Variants in KIF18A observed in about 807,000 individuals in gnomAD.
The protein encoded by KIF18A is kinesin family member 18A, also known as kinesin-like protein KIF18A.
Under a neutral mutation model 103.3 loss-of-function variants are expected in KIF18A, and 67 were observed. The observed-to-expected ratio is 0.65, with a 90% CI of 0.53 to 0.79. The LOEUF (loss-of-function observed/expected upper bound fraction) is 0.79, where lower values mean the gene tolerates loss of function less well. Ranked by LOEUF, KIF18A falls within the 30% of genes least tolerant of loss-of-function variation. The probability of loss-of-function intolerance (pLI) is 0.00; values close to 1 mark genes in which losing one functional copy is unlikely to be tolerated. For synonymous variants in KIF18A, 367 were observed against 355.5 expected (o/e 1.03, Z -0.36); for missense variants, 1,032 against 1,062.5 (o/e 0.97, Z 0.40).
chr11:28,103,667 G>C (rs1851471797), intron 1 of KIF18A, among the ~76,000 whole-genome samples: 1 of 151,750 alleles, frequency 6.6e-6, no homozygotes, highest in Non-Finnish European at 1.5e-5. Flanking sequence ...ATATACCAAT[G>C]AATGAATTAA....
intron 1 of KIF18A, among the ~76,000 whole-genome samples, chr11:28,107,190 GC>G (rs1442018860): frequency 6.6e-6 from 1 of 152,074 alleles, no homozygotes; most frequent in Non-Finnish European, 1.5e-5. Flanking sequence ...GAAACAGGAG[GC>G]TAGACGTGGT....
intron 10 of KIF18A, among the ~76,000 whole-genome samples, chr11:28,073,817 T>C (rs1307232694): frequency 1.3e-5 from 2 of 152,194 alleles, no homozygotes; most frequent in African/African-American, 4.8e-5. Context: ...TTACCTCCAT[T>C]GTGTCAAGCA....
intron 16 of KIF18A, among the ~76,000 whole-genome samples, chr11:28,023,437 T>C (rs957809234): frequency 2.6e-5 from 4 of 152,216 alleles, no homozygotes; most frequent in African/African-American, 7.2e-5. Flanking sequence ...GTAATACATT[T>C]AGCCAATTAT....
At chr11:28,093,453 G>A (rs1031130121) in intron 3 of KIF18A, among the ~76,000 whole-genome samples, 1 of 152,078 alleles carries the variant, frequency 6.6e-6, no homozygotes, top group Admixed American at 6.5e-5. Context: ...AATGAAATCA[G>A]GGTTTTTATG....
chr11:28,085,303 A>G (rs1418576114), intron 6 of KIF18A, among the ~76,000 whole-genome samples: 1 of 152,072 alleles, frequency 6.6e-6, no homozygotes, highest in Non-Finnish European at 1.5e-5. Context: ...ACTCTGCTCC[A>G]CCAGCTTCCT....
intron 12 of KIF18A, among the ~76,000 whole-genome samples, chr11:28,061,386 G>A (rs1474798707): frequency 1.3e-5 from 2 of 152,042 alleles, no homozygotes; most frequent in Non-Finnish European, 2.9e-5. Context: ...TGGTTCACCA[G>A]TTTTCTAAAT....
intron 1 of KIF18A, among the ~76,000 whole-genome samples, chr11:28,107,553 A>G (rs1212150378): frequency 6.6e-6 from 1 of 152,186 alleles, no homozygotes; most frequent in African/African-American, 2.4e-5. Flanking sequence ...GCTACCTACA[A>G]CTGGGGCTCA....
At position 28,069,377 on chromosome 11, in the gene KIF18A, C is replaced by A; in HGVS notation, c.1472G>T (p.Arg491Leu). The A allele has an allele frequency of 1.9e-6, 3 of 1,613,610 alleles. No individual in the cohort carries two copies. Among genetic ancestry groups the A allele is most frequent in the Non-Finnish European group, 2.5e-6 (3 of 1,179,710 alleles). ...CTCCCTCCTTTTCTCCAGGTAGGAGCGACGAGTTTTCAACATTGCAAGTCT... is the reference window on the plus strand; with the variant it reads ...CTCCCTCCTTTTCTCCAGGTAGGAGAGACGAGTTTTCAACATTGCAAGTCT... ...DHRLAMLKTR[R>L]SYLEKRREEE... The change falls in exon 11 of 17, where the codon CGC (arginine) becomes CTC (leucine). Residue 491 changes from arginine (R) to leucine (L), a missense_variant. Physicochemically the swap from Arg to Leu is moderately radical, Grantham distance 102. Transcript: ENST00000263181.
intron 15 of KIF18A, among the ~76,000 whole-genome samples, chr11:28,025,511 T>C (rs887550584): frequency 5.3e-5 from 8 of 152,046 alleles, no homozygotes. Context: ...CCCTACTTTT[T>C]ACTCATAGCA....
chr11:28,046,227 C>T (rs992691312), intron 13 of KIF18A, among the ~76,000 whole-genome samples: 18 of 151,692 alleles, frequency 1.2e-4, no homozygotes, highest in African/African-American at 3.6e-4. Flanking sequence ...AATCATGCTG[C>T]TATAAAGACA....
intron 9 of KIF18A, among the ~76,000 whole-genome samples, chr11:28,077,850 T>C (rs142560278): frequency 4.4e-3 from 670 of 152,268 alleles, no homozygotes; most frequent in Admixed American, 6.6e-3. Context: ...AAGGGCAATG[T>C]AGGTCTAGAA....
At chr11:28,082,203 T>G (rs78758707) in intron 9 of KIF18A, among the ~76,000 whole-genome samples, 3 of 152,150 alleles carry the variant, frequency 2.0e-5, no homozygotes, top group Non-Finnish European at 4.4e-5. Flanking sequence ...ATATAGCTGA[T>G]AGAGCAGTGG....
At chr11:28,057,849 T>G (rs1850801655) in intron 13 of KIF18A, among the ~76,000 whole-genome samples, 1 of 152,128 alleles carries the variant, frequency 6.6e-6, no homozygotes, top group African/African-American at 2.4e-5. Flanking sequence ...ATGAGGTAGA[T>G]TCTTCATGTA....
intron 2 of KIF18A, 66 bp downstream of exon 2, chr11:28,097,557 A>T (rs1286746047): frequency 1.0e-6 from 1 of 1,004,034 alleles, no homozygotes; most frequent in Non-Finnish European, 1.6e-6. Context: ...AGGGTCAAGT[A>T]GATGTCCGTC....
At chr11:28,059,304 T>C (rs148193601) in intron 12 of KIF18A, 143 bp from the exon 13 acceptor site, 7 of 680,458 alleles carry the variant, frequency 1.0e-5, no homozygotes, top group Admixed American at 2.9e-5. Flanking sequence ...TCTCAGATTG[T>C]CTTCACTTGC....
At chr11:28,084,875 G>GCA in intron 6 of KIF18A, 67 bp from the exon 7 acceptor site, 1 of 1,235,550 alleles carries the variant, frequency 8.1e-7, no homozygotes, top group South Asian at 1.3e-5. Context: ...TACCACTTTA[G>GCA]CACTTCACTG....
intron 13 of KIF18A, among the ~76,000 whole-genome samples, chr11:28,047,430 C>A (rs76376678): frequency 6.6e-6 from 1 of 152,222 alleles, no homozygotes; most frequent in East Asian, 1.9e-4. Flanking sequence ...CTATTTTTCA[C>A]TGAATCTCTA....
chr11:28,061,496 G>T (rs1042749663), intron 12 of KIF18A, among the ~76,000 whole-genome samples: 8 of 152,046 alleles, frequency 5.3e-5, no homozygotes, highest in Non-Finnish European at 1.0e-4. Context: ...ATGGTTAAAA[G>T]AAATTATTGT....
intron 9 of KIF18A, among the ~76,000 whole-genome samples, chr11:28,079,249 A>C (rs896970186): frequency 6.6e-5 from 10 of 152,046 alleles, no homozygotes; most frequent in African/African-American, 2.4e-4. Context: ...ATTTTATGGA[A>C]TCAGTTACTC....
Sources: gnomAD v4.1 joint callset for allele counts (sites outside exome capture counted in the v4.1 genomes callset) on GRCh38, gnomAD v4.1.1 for gene constraint, MANE v1.5 for transcripts, NCBI Gene and HGNC (gene_info 2026-07-23, HGNC 2026-07-21) for gene names.